Variants in EMID1 observed in about 807,000 individuals in gnomAD.
EMID1 encodes EMI domain-containing protein 1.
A neutral mutation model predicts 60.6 loss-of-function variants in EMID1; 40 were observed. The observed-to-expected ratio is 0.66, with a 90% CI of 0.51 to 0.86. The LOEUF (loss-of-function observed/expected upper bound fraction) is 0.86. EMID1 is among the 40% of genes least tolerant of loss of function. EMID1 has a pLI of 0.00. For synonymous variants in EMID1, 242 were observed against 231.0 expected (o/e 1.05, Z -0.43); for missense variants, 585 against 597.1 (o/e 0.98, Z 0.21).
rs184711435 is a variant in EMID1 at position 29,233,386 on chromosome 22, A to G, written c.831A>G (p.Pro277=). Residue 277 remains proline, a synonymous_variant, in exon 9 of 15, where the codon CCA becomes CCG. Coordinates refer to ENST00000334018, the MANE Select transcript of EMID1 (RefSeq NM_133455.4). ...PHARISQHGD[P]LLSNTFTETN... Reference sequence around the variant, plus strand: ...TCATCTTTGCTCACCCAGGAGACCCATTGCTGTCCAACACCTTCACTGAGA... The same window carrying G: ...TCATCTTTGCTCACCCAGGAGACCCGTTGCTGTCCAACACCTTCACTGAGA... 6 of 1,613,982 alleles carry G rather than the reference A, an allele frequency of 3.7e-6. No individual in the cohort carries two copies. Among genetic ancestry groups the G allele is most frequent in the African/African-American group, 2.7e-5 (2 of 75,022 alleles).
intron 14 of EMID1, among the ~76,000 whole-genome samples, chr22:29,258,077 G>GT (rs1391177034): frequency 6.6e-6 from 1 of 152,218 alleles, no homozygotes; most frequent in Non-Finnish European, 1.5e-5. Context: ...CAGAACCCAA[G>GT]TATCTGTCCT....
intron 14 of EMID1, among the ~76,000 whole-genome samples, chr22:29,256,539 C>T (rs2041713688): frequency 6.6e-6 from 1 of 151,866 alleles, no homozygotes. Context: ...AGCCCAGCCT[C>T]CTTCATCCAG....
Position 29,215,013 on chromosome 22 carries a change from C to A in EMID1, c.189C>A (p.Pro63=). ...TTCAGCGAGTGCTGCAGAACTGCCC[C>A]TGGCCCATGAGCTGTCCGGGGAGCA... is the stretch of plus-strand genomic sequence containing the variant. ...TYLQRVLQNC[P]WPMSCPGSSY... The change falls in exon 2 of 15, where the codon CCC becomes CCA. Residue 63 remains proline, a synonymous_variant. Coordinates refer to ENST00000334018, the MANE Select transcript of EMID1 (RefSeq NM_133455.4). 1 of 1,550,068 alleles carries A rather than the reference C, an allele frequency of 6.5e-7. No homozygotes were observed. Among genetic ancestry groups the A allele is most frequent in the East Asian group, 2.4e-5 (1 of 41,198 alleles).
intron 5 of EMID1, 109 bp from the exon 6 acceptor site, chr22:29,230,911 T>A: frequency 2.1e-6 from 3 of 1,429,042 alleles, no homozygotes; most frequent in Non-Finnish European, 2.8e-6. Context: ...GCCGTCATAG[T>A]ACTACTGCAT....
intron 13 of EMID1, among the ~76,000 whole-genome samples, chr22:29,250,641 A>G (rs1387950526): frequency 6.8e-6 from 1 of 146,340 alleles, no homozygotes; most frequent in Non-Finnish European, 1.5e-5. Flanking sequence ...AACTCGGCTC[A>G]CTGCAACCTC....
intron 1 of EMID1, among the ~76,000 whole-genome samples, chr22:29,206,793 T>G (rs571765795): frequency 6.6e-6 from 1 of 152,256 alleles, no homozygotes; most frequent in African/African-American, 2.4e-5. Context: ...CATCAATCCT[T>G]GAAGGACCGA....
chr22:29,236,448 T>A (rs2040951112), intron 12 of EMID1, among the ~76,000 whole-genome samples: 1 of 152,096 alleles, frequency 6.6e-6, no homozygotes, highest in African/African-American at 2.4e-5. Context: ...CCTGGCACTT[T>A]GGGAGGTGGA....
At position 29,234,367 on chromosome 22, in the gene EMID1, T is replaced by C. The variant is rs1031159518; in HGVS notation, c.1074+18T>C. 1 of 1,612,114 alleles carries C rather than the reference T, an allele frequency of 6.2e-7. No homozygotes were observed. Among genetic ancestry groups the C allele is most frequent in the South Asian group, 1.1e-5 (1 of 90,710 alleles). Reference sequence around the variant, plus strand: ...GGCAGCGGGTAAGTGTTGCTGTCTGTCCCGCATTCATCCCTGCAGGATCCC... The same window carrying C: ...GGCAGCGGGTAAGTGTTGCTGTCTGCCCCGCATTCATCCCTGCAGGATCCC... On this transcript the variant is annotated intron_variant, in intron 12 of 14. Transcript: ENST00000334018.
rs748677563 is a variant in EMID1, at chr22:29,254,338, CT to C, written c.1204+53del. ...GACGGCCCAGCCCCTGCCTGCCAGC[CT>C]TCCCCAAGCCCTCCTGGGGTGGAAC... is the stretch of plus-strand genomic sequence containing the variant. On this transcript the variant is annotated intron_variant, in intron 14 of 14. Transcript: ENST00000334018. 15 of 1,563,734 alleles carry C rather than the reference CT, an allele frequency of 9.6e-6. No homozygotes were observed. In the South Asian group the frequency reaches 1.4e-4, roughly 15 times the overall value.
At chr22:29,214,702 ACT>A (rs1422300904) in intron 1 of EMID1, among the ~76,000 whole-genome samples, 8 of 151,494 alleles carry the variant, frequency 5.3e-5, no homozygotes, top group East Asian at 1.9e-4. Context: ...CCTACTGAGA[ACT>A]CTCTGCACAG....
intron 13 of EMID1, among the ~76,000 whole-genome samples, chr22:29,253,178 C>T (rs926053998): frequency 2.6e-5 from 4 of 152,218 alleles, no homozygotes; most frequent in Non-Finnish European, 5.9e-5. Flanking sequence ...GGGATGGTGG[C>T]TCACGCCTGT....
intron 3 of EMID1, among the ~76,000 whole-genome samples, chr22:29,221,066 CGTGTGTGTGTGTGTGTGTGTGT>C (rs59651061): frequency 0.1 from 10,382 of 100,044 alleles, 770 homozygotes; most frequent in African/African-American, 0.21. Flanking sequence ...GGGGTGGGAA[CGTGTGTGTGTGTGTGTGTGTGT>C]GTGTGTGTGT....
At chr22:29,255,496 C>T in intron 14 of EMID1, 2 of 633,766 alleles carry the variant, frequency 3.2e-6, no homozygotes, top group Non-Finnish European at 5.1e-6. Context: ...AGCCAGCCAG[C>T]AAATGGTGCC....
At chr22:29,243,359 C>T (rs757092946) in intron 12 of EMID1, 86 bp from the exon 13 acceptor site, 77 of 1,367,816 alleles carry the variant, frequency 5.6e-5, no homozygotes, top group Non-Finnish European at 7.0e-5. Context: ...TCTCCCTTTC[C>T]CCGCTCTTTT....
chr22:29,237,842 T>C lies in EMID1; in HGVS notation c.1074+3493T>C, dbSNP rs2041011661. On this transcript the variant is annotated intron_variant, in intron 12 of 14. Coordinates refer to ENST00000334018, the MANE Select transcript of EMID1 (RefSeq NM_133455.4). ...AAAAATCTGAGTTTCTGACACATAA[T>C]TTTTGTCCTCTCTGAAGAACTACCT... Among the ~76,000 whole-genome samples, 2 of 144,324 alleles carry C rather than the reference T, an allele frequency of 1.4e-5. 1 individual carries two copies. Among genetic ancestry groups the C allele is most frequent in the Admixed American group, 1.4e-4 (2 of 14,690 alleles). The allele number at this position is 144,324 out of a possible 152,430, so 94.7% of individuals were successfully genotyped here.
intron 1 of EMID1, among the ~76,000 whole-genome samples, chr22:29,211,002 A>G (rs923106759): frequency 6.6e-6 from 1 of 152,172 alleles, no homozygotes; most frequent in African/African-American, 2.4e-5. Flanking sequence ...ATGGATGTAC[A>G]TGAATGAGAG....
chr22:29,239,842 C>T (rs1174750886), intron 12 of EMID1, among the ~76,000 whole-genome samples: 1 of 151,724 alleles, frequency 6.6e-6, no homozygotes, highest in Non-Finnish European at 1.5e-5. Context: ...TCACTGCAAC[C>T]TCCACCTCCT....
chr22:29,228,297 C>G (rs1053215779), intron 5 of EMID1, among the ~76,000 whole-genome samples: 1 of 151,882 alleles, frequency 6.6e-6, no homozygotes, highest in East Asian at 1.9e-4. Flanking sequence ...CTGCTCTCCA[C>G]CCTGGACGAC....
intron 5 of EMID1, among the ~76,000 whole-genome samples, chr22:29,227,290 C>T (rs1181146745): frequency 6.6e-6 from 1 of 151,968 alleles, no homozygotes. Flanking sequence ...GGGGTTTCTC[C>T]ATGTTGCCCA....
Sources: gnomAD v4.1 joint callset for allele counts (sites outside exome capture counted in the v4.1 genomes callset) on GRCh38, gnomAD v4.1.1 for gene constraint, MANE v1.5 for transcripts, NCBI Gene and HGNC (gene_info 2026-07-23, HGNC 2026-07-21) for gene names.